Variants in NME7 observed in about 807,000 individuals in gnomAD.
NME7 encodes NME/NM23 family member 7.
Under a neutral mutation model 49.1 loss-of-function variants are expected in NME7, and 41 were observed. That is an observed-to-expected ratio of 0.83 (90% CI 0.65 to 1.08). NME7 has a LOEUF of 1.08. Among genes scored for constraint, NME7 ranks in the 50% least tolerant of loss-of-function variants. The pLI is 0.00. For synonymous variants in NME7, 139 were observed against 150.6 expected (o/e 0.92, Z 0.56); for missense variants, 423 against 463.4 (o/e 0.91, Z 0.80).
At chr1:169,274,826 C>A (rs1277703733) in intron 7 of NME7, among the ~76,000 whole-genome samples, 4 of 133,080 alleles carry the variant, frequency 3.0e-5, no homozygotes, top group African/African-American at 5.1e-5. Flanking sequence ...ATTCATCTAT[C>A]TCTCTGTTTT....
chr1:169,288,630 A>T (rs1166972609), intron 6 of NME7, among the ~76,000 whole-genome samples: 1 of 152,208 alleles, frequency 6.6e-6, no homozygotes, highest in Non-Finnish European at 1.5e-5. Context: ...AAACACAAGG[A>T]TGATGAGGAA....
chr1:169,342,980 T>C (rs1246731641), intron 1 of NME7, among the ~76,000 whole-genome samples: 1 of 99,714 alleles, frequency 1.0e-5, no homozygotes, highest in Non-Finnish European at 2.3e-5. Context: ...TACAAGTACA[T>C]ATATATACTT....
chr1:169,190,865 T>G lies in NME7; in HGVS notation c.991-21311A>C, dbSNP rs1660205102. Among the ~76,000 whole-genome samples, 2 of 49,060 alleles carry G rather than the reference T, an allele frequency of 4.1e-5. 1 individual carries two copies. Among genetic ancestry groups the G allele is most frequent in the Admixed American group, 4.9e-4 (2 of 4,068 alleles). 32.2% of individuals were successfully genotyped at this position (49,060 alleles called of 152,430 possible). ...TCTCGCTCTGTCGCCCAGGCTGGAGTGCAGTGGCGGGATCTCGGCTCACTG... is the reference window on the plus strand; with the variant it reads ...TCTCGCTCTGTCGCCCAGGCTGGAGGGCAGTGGCGGGATCTCGGCTCACTG... On this transcript the variant is annotated intron_variant, in intron 10 of 11. Transcript: ENST00000367811.
At chr1:169,347,372 G>A (rs10158131) in intron 1 of NME7, among the ~76,000 whole-genome samples, 30,201 of 151,998 alleles carry the variant, frequency 0.2, 3,347 homozygotes, top group African/African-American at 0.28. Context: ...CAGAAACCTG[G>A]GGTAAAAATA....
rs1380149883 is a variant in NME7 at position 169,287,373 on chromosome 1, A to C, written c.684T>G (p.Cys228Trp). 1 of 1,603,744 alleles carries C rather than the reference A, an allele frequency of 6.2e-7. No homozygotes were observed. The highest frequency in any genetic ancestry group is 2.2e-5 in the East Asian group (1 of 44,606). ...MELFFPSSGG[C>W]GPANTAKFTN... is the part of the protein sequence containing the mutation. ...TAAATTTAGCAGTGTTTGCCGGCCC[A>C]CAACCTCCACTTGAAGGAAAAAACA... The change falls in exon 7 of 12, where the codon TGT (cysteine) becomes TGG (tryptophan). Residue 228 changes from cysteine (C) to tryptophan (W), a missense_variant. Physicochemically the swap from Cys to Trp is radical, Grantham distance 215. Transcript: ENST00000367811.
chr1:169,355,323 T>TACA (rs1653422431), intron 1 of NME7, among the ~76,000 whole-genome samples: 2 of 107,850 alleles, frequency 1.9e-5, no homozygotes, highest in African/African-American at 7.1e-5. Flanking sequence ...GTATATTATA[T>TACA]ATAATATATT....
At chr1:169,343,723 G>A (rs867949336) in intron 1 of NME7, among the ~76,000 whole-genome samples, 4 of 152,050 alleles carry the variant, frequency 2.6e-5, no homozygotes, top group Admixed American at 6.6e-5. Flanking sequence ...TCAAACTCCT[G>A]ACCTCAAGTG....
At chr1:169,180,356 C>T (rs922690032) in intron 10 of NME7, among the ~76,000 whole-genome samples, 43 of 152,160 alleles carry the variant, frequency 2.8e-4, no homozygotes, top group African/African-American at 9.9e-4. Context: ...CCACAAATCC[C>T]CTTGTCAGCA....
At chr1:169,298,827 A>G in intron 5 of NME7, 64 bp from the exon 6 acceptor site, 1 of 1,258,468 alleles carries the variant, frequency 7.9e-7, no homozygotes, top group Non-Finnish European at 1.1e-6. Context: ...TGTCTTAACG[A>G]CAGGATATAT....
chr1:169,283,592 C>G (rs559907243), intron 7 of NME7, among the ~76,000 whole-genome samples: 1 of 152,120 alleles, frequency 6.6e-6, no homozygotes. Flanking sequence ...ACTGGTTGTT[C>G]CTTTTCATAT....
intron 10 of NME7, among the ~76,000 whole-genome samples, chr1:169,195,773 TG>T (rs1557983151): frequency 6.6e-6 from 1 of 152,230 alleles, no homozygotes; most frequent in Non-Finnish European, 1.5e-5. Flanking sequence ...GTTCTTACTA[TG>T]TACCAGACAC....
chr1:169,349,637 T>C (rs1653079174), intron 1 of NME7, among the ~76,000 whole-genome samples: 1 of 152,190 alleles, frequency 6.6e-6, no homozygotes, highest in South Asian at 2.1e-4. Context: ...TAATCCACAA[T>C]GTATGTCTAT....
At chr1:169,283,587 T>A (rs544992480) in intron 7 of NME7, among the ~76,000 whole-genome samples, 1 of 152,156 alleles carries the variant, frequency 6.6e-6, no homozygotes, top group Non-Finnish European at 1.5e-5. Flanking sequence ...CTGGTACTGG[T>A]TGTTCCTTTT....
At chr1:169,251,147 G>C (rs114387701) in intron 7 of NME7, among the ~76,000 whole-genome samples, 2,201 of 151,828 alleles carry the variant, frequency 0.014, 48 homozygotes, top group African/African-American at 0.048. Context: ...TTATGAATCT[G>C]GGAGCTCCAG....
At chr1:169,152,834 G>A (rs980595811) in intron 11 of NME7, among the ~76,000 whole-genome samples, 9 of 151,934 alleles carry the variant, frequency 5.9e-5, no homozygotes. Flanking sequence ...AACCTTTATC[G>A]AGTCACTTCC....
chr1:169,217,073 A>C (rs1660991318), intron 10 of NME7, among the ~76,000 whole-genome samples: 1 of 152,238 alleles, frequency 6.6e-6, no homozygotes, highest in African/African-American at 2.4e-5. Flanking sequence ...TTAAATTTTT[A>C]TAGTTATATT....
chr1:169,207,212 T>C (rs929153216), intron 10 of NME7, among the ~76,000 whole-genome samples: 1 of 152,042 alleles, frequency 6.6e-6, no homozygotes, highest in Non-Finnish European at 1.5e-5. Context: ...AAGGGAACGA[T>C]GCCAGGCTCT....
At chr1:169,171,339 C>A (rs1420604089) in intron 10 of NME7, among the ~76,000 whole-genome samples, 2 of 152,068 alleles carry the variant, frequency 1.3e-5, no homozygotes, top group African/African-American at 4.8e-5. Flanking sequence ...TGCACTCCAG[C>A]CTGGGTTGTC....
intron 10 of NME7, among the ~76,000 whole-genome samples, chr1:169,190,184 C>T (rs1210281698): frequency 6.6e-6 from 1 of 151,858 alleles, no homozygotes; most frequent in Non-Finnish European, 1.5e-5. Flanking sequence ...CTGCAACATC[C>T]TCTTATATAA....
Sources: allele counts gnomAD v4.1 joint callset (sites outside exome capture counted in the v4.1 genomes callset), GRCh38; gene constraint gnomAD v4.1.1; transcripts MANE v1.5; gene names NCBI Gene and HGNC (gene_info 2026-07-23, HGNC 2026-07-21).